Variants in EPHB6 observed in about 807,000 individuals in gnomAD.
EPHB6 encodes the protein EPH receptor B6.
A neutral mutation model predicts 107.0 loss-of-function variants in EPHB6; 51 were observed. The observed-to-expected ratio is 0.48, with a 90% CI of 0.38 to 0.60. EPHB6 has a LOEUF of 0.60. EPHB6 is among the 20% of genes least tolerant of loss of function. The pLI is 0.00. For missense variants in EPHB6, 1,141 were observed against 1,355.5 expected (o/e 0.84, Z 2.48); for synonymous variants, 553 against 549.0 (o/e 1.01, Z -0.10).
chr7:142,863,527 TG>T, intron 5 of EPHB6, 103 bp from the exon 6 acceptor site: 2 of 1,416,444 alleles, frequency 1.4e-6, no homozygotes, highest in South Asian at 1.1e-5. Context: ...GGCAAAGACA[TG>T]GGCCCGGGTG....
chr7:142,859,994 CTG>C (rs1412885256), intron 1 of EPHB6, among the ~76,000 whole-genome samples: 2 of 152,198 alleles, frequency 1.3e-5, no homozygotes, highest in Non-Finnish European at 2.9e-5. Context: ...CCACAAGTGA[CTG>C]TGTTCCTTGT....
At position 142,855,114 on chromosome 7, in the gene EPHB6, G is replaced by A. The variant is rs8177101; in HGVS notation, c.-703G>A. The A allele has an allele frequency of 0.054, 8,252 of 152,290 alleles. 250 individuals carry two copies. Among genetic ancestry groups the A allele is most frequent in the Non-Finnish European group, 0.06 (4,062 of 68,024 alleles). 9.4% of individuals were successfully genotyped at this position (152,290 alleles called of 1,614,324 possible). ...TCCAGCCGCGGCTCTACAGCAGCGG[G>A]CGGCGGGACCCGGGACCCAGCTTGG... On this transcript the variant is annotated 5_prime_UTR_variant, in exon 1 of 20. Coordinates refer to ENST00000652003, the MANE Select transcript of EPHB6 (RefSeq NM_004445.6). The surrounding 1 kb of genome is among the most constrained non-coding windows in gnomAD (Gnocchi z 4.2).
rs1190910238 is a variant in EPHB6 at position 142,870,214 on chromosome 7, G to A, written c.2611G>A (p.Val871Ile). ...RPYWDMSEQE[V>I]LNAIEQEFRL... The stretch of plus-strand genomic sequence containing the variant: ...GTCATAGTCTTCCTCTGACCCCCAG[G>A]TACTAAATGCAATAGAGCAGGAGTT... Residue 871 changes from valine (V) to isoleucine (I), a missense_variant and splice_region_variant, in exon 18 of 20, where the codon GTA (valine) becomes ATA (isoleucine). Val to Ile is a conservative substitution (Grantham distance 29). Around this residue, in one of 3 missense-constraint regions of EPHB6, gnomAD observed 616 missense variants for 759.3 expected, o/e 0.81. Coordinates refer to ENST00000652003, the MANE Select transcript of EPHB6 (RefSeq NM_004445.6). 6.2e-7 allele frequency: 1 copy of A among 1,614,020 alleles called. No homozygotes were observed. The highest frequency in any genetic ancestry group is 1.7e-4 in the Middle Eastern group (1 of 6,060).
At position 142,869,709 on chromosome 7, in the gene EPHB6, T is replaced by G; in HGVS notation, c.2461-108T>G. On this transcript the variant is annotated intron_variant, in intron 16 of 19. Transcript: ENST00000652003. The surrounding 1 kb of genome is among the most constrained non-coding windows in gnomAD (Gnocchi z 4.5). ...TTAGAGGGTTGTTATGAGGATTAAA[T>G]GAGATGCTTGATGTAAAACCCTTGG... is the stretch of plus-strand genomic sequence containing the variant. 1.0e-4 allele frequency: 128 copies of G among 1,285,352 alleles called. No homozygotes were observed. Among genetic ancestry groups the G allele is most frequent in the Non-Finnish European group, 1.3e-4 (114 of 904,676 alleles). 79.6% of individuals were successfully genotyped at this position (1,285,352 alleles called of 1,614,324 possible).
chr7:142,870,017 T>C, intron 17 of EPHB6, 51 bp downstream of exon 17: 1 of 1,613,400 alleles, frequency 6.2e-7, no homozygotes, highest in African/African-American at 1.3e-5. Flanking sequence ...CCCTCCCAGG[T>C]TGGAACATTC....
chr7:142,871,092 C>T lies in EPHB6; in HGVS notation c.*188C>T. ...CATTAAAGGGAAAGAAGGGAATTTG[C>T]AGGTTTGGTGTGGTGAGGCCTCAGT... On this transcript the variant is annotated 3_prime_UTR_variant, in exon 20 of 20. Transcript: ENST00000652003. 1 of 689,222 alleles carries T rather than the reference C, an allele frequency of 1.5e-6. No individual in the cohort carries two copies. Among genetic ancestry groups the T allele is most frequent in the South Asian group, 1.7e-5 (1 of 58,678 alleles). The allele number at this position is 689,222 out of a possible 1,614,324, so 42.7% of individuals were successfully genotyped here. A position where few individuals can be genotyped will look rare whatever the true frequency, so the allele number is the denominator to read the frequency against.
chr7:142,858,592 C>T (rs1197387696), intron 1 of EPHB6, among the ~76,000 whole-genome samples: 2 of 141,242 alleles, frequency 1.4e-5, no homozygotes, highest in African/African-American at 5.2e-5. Context: ...CACGCCACCA[C>T]GCCCAGCTAA....
rs2116399972 is a variant in EPHB6, at chr7:142,862,120, A to G, written c.-193A>G. On this transcript the variant is annotated 5_prime_UTR_variant, in exon 3 of 20. It removes an upstream start codon present in the reference 5' UTR. Coordinates refer to ENST00000652003, the MANE Select transcript of EPHB6 (RefSeq NM_004445.6). Reference sequence around the variant, plus strand: ...GCCCTCTTCTTTGTTGTGTCCTCGAATGGCAGAAAAAGGGTGAGAAAGCCC... The same window carrying G: ...GCCCTCTTCTTTGTTGTGTCCTCGAGTGGCAGAAAAAGGGTGAGAAAGCCC... 6.6e-6 allele frequency: 1 copy of G among 152,256 alleles called. No homozygotes were observed. The highest frequency in any genetic ancestry group is 1.9e-4 in the East Asian group (1 of 5,174). The allele number at this position is 152,256 out of a possible 1,614,324, so 9.4% of individuals were successfully genotyped here.
chr7:142,864,793 A>AC, intron 7 of EPHB6, 44 bp downstream of exon 7: 1 of 1,598,440 alleles, frequency 6.3e-7, no homozygotes, highest in Non-Finnish European at 8.5e-7. Context: ...CCTCCCACCC[A>AC]CCCCCAGCCT....
Position 142,855,953 on chromosome 7 carries a change from C to G in EPHB6, c.-432+568C>G, listed in dbSNP as rs1309389083. On this transcript the variant is annotated intron_variant, in intron 1 of 19. Transcript: ENST00000652003. The surrounding 1 kb of genome is among the most constrained non-coding windows in gnomAD (Gnocchi z 4.2). ...CAAATTCTATTGCGTGCTCCTGCCC[C>G]AGCTCCACCCTCGCTCTGCTCCCTC... Among the ~76,000 whole-genome samples the G allele has an allele frequency of 2.6e-5, 4 of 152,194 alleles. No individual in the cohort carries two copies. Among genetic ancestry groups the G allele is most frequent in the Non-Finnish European group, 5.9e-5 (4 of 68,042 alleles).
At chr7:142,863,464 C>A in intron 5 of EPHB6, 137 bp downstream of exon 5, 1 of 1,165,192 alleles carries the variant, frequency 8.6e-7, no homozygotes, top group Non-Finnish European at 1.3e-6. Context: ...ATAATGAAGA[C>A]CCACATCAGA....
In EPHB6 at chr7:142,858,056, C is replaced by CT. The variant is rs1448028458; in HGVS notation, c.-432+2677dup. On this transcript the variant is annotated intron_variant, in intron 1 of 19. Transcript: ENST00000652003. ...TTGTCTAGGTTTTACAAATATTTTT[C>CT]TTTTTTGTTTAGATTTTAATTATGA... Among the ~76,000 whole-genome samples the CT allele has an allele frequency of 2.0e-5, 3 of 152,064 alleles. No individual in the cohort carries two copies. In the East Asian group the frequency reaches 5.8e-4, roughly 29 times the overall value.
chr7:142,869,695 T>C lies in EPHB6; in HGVS notation c.2461-122T>C. On this transcript the variant is annotated intron_variant, in intron 16 of 19. Transcript: ENST00000652003. The surrounding 1 kb of genome is among the most constrained non-coding windows in gnomAD (Gnocchi z 4.5). ...TGATATCATCCACCTTAGAGGGTTG[T>C]TATGAGGATTAAATGAGATGCTTGA... 2 of 1,155,874 alleles carry C rather than the reference T, an allele frequency of 1.7e-6. No individual in the cohort carries two copies. The highest frequency in any genetic ancestry group is 2.6e-5 in the South Asian group (2 of 75,776). The allele number at this position is 1,155,874 out of a possible 1,614,324, so 71.6% of individuals were successfully genotyped here. A position where few individuals can be genotyped will look rare whatever the true frequency, so the allele number is the denominator to read the frequency against.
chr7:142,864,201 A>G lies in EPHB6; in HGVS notation c.401A>G (p.Gln134Arg). 1 of 1,613,888 alleles carries G rather than the reference A, an allele frequency of 6.2e-7. No individual in the cohort carries two copies. Among genetic ancestry groups the G allele is most frequent in the Non-Finnish European group, 8.5e-7 (1 of 1,180,034 alleles). The change falls in exon 7 of 20, where the codon CAG (glutamine) becomes CGG (arginine). Residue 134 changes from glutamine (Q) to arginine (R), a missense_variant. Coordinates refer to ENST00000652003, the MANE Select transcript of EPHB6 (RefSeq NM_004445.6). ...CRETFTLYYR[Q>R]AEEPDSPDSV... is the part of the protein sequence containing the mutation. ...GAGACCTTCACCCTTTACTACCGTCAGGCTGAGGAGCCCGACAGCCCTGAC... is the reference window on the plus strand; with the variant it reads ...GAGACCTTCACCCTTTACTACCGTCGGGCTGAGGAGCCCGACAGCCCTGAC...
chr7:142,856,154 G>A (rs1802602338), intron 1 of EPHB6, among the ~76,000 whole-genome samples: 2 of 152,186 alleles, frequency 1.3e-5, no homozygotes, highest in African/African-American at 4.8e-5. Context: ...GTTAACCCAG[G>A]CCCTCCGCCC....
chr7:142,862,941 T>C (rs1287177406), intron 4 of EPHB6, 108 bp downstream of exon 4: 11 of 491,628 alleles, frequency 2.2e-5, no homozygotes, highest in Non-Finnish European at 4.0e-5. Context: ...CACTCCAAGA[T>C]GGTCAAATGT....
chr7:142,866,208 C>T lies in EPHB6; in HGVS notation c.1354C>T (p.Arg452Trp), dbSNP rs1232378425. Residue 452 changes from arginine to tryptophan, a missense_variant, in exon 9 of 20, where the codon CGG becomes TGG. Coordinates refer to ENST00000652003, the MANE Select transcript of EPHB6 (RefSeq NM_004445.6). The surrounding 1 kb of genome is among the most constrained non-coding windows in gnomAD (Gnocchi z 5.2). The stretch of plus-strand genomic sequence containing the variant: ...GAGCCGAGTGTTAGTGGGGGGACTC[C>T]GGGCACACGTACCCTACATCTTAGA... ...TESRVLVGGLRAHVPYILEVQ... is the reference protein window; with the variant it reads ...TESRVLVGGLWAHVPYILEVQ... 23 of 1,613,980 alleles carry T rather than the reference C, an allele frequency of 1.4e-5. No homozygotes were observed. The highest frequency in any genetic ancestry group is 1.9e-5 in the Non-Finnish European group (22 of 1,180,022).
intron 7 of EPHB6, among the ~76,000 whole-genome samples, chr7:142,865,077 G>A (rs978766779): frequency 7.2e-5 from 11 of 152,132 alleles, no homozygotes; most frequent in Non-Finnish European, 1.3e-4. Context: ...GTTCCCATTC[G>A]CCCTTCTGTT....
rs1423224181 is a variant in EPHB6 at position 142,869,746 on chromosome 7, A to G, written c.2461-71A>G. 2.6e-6 allele frequency: 4 copies of G among 1,558,346 alleles called. No individual in the cohort carries two copies. The highest frequency in any genetic ancestry group is 3.5e-6 in the Non-Finnish European group (4 of 1,136,990). ...TGTAAAACCCTTGGCATATCTGAGC[A>G]CATAGTAGTTGCTCAATAAACGTGA... On this transcript the variant is annotated intron_variant, in intron 16 of 19. Coordinates refer to ENST00000652003, the MANE Select transcript of EPHB6 (RefSeq NM_004445.6). This position sits in a 1 kb window ranked among gnomAD's most constrained non-coding sequence, Gnocchi z 4.5.
Sources: gnomAD v4.1 joint callset for allele counts (sites outside exome capture counted in the v4.1 genomes callset) on GRCh38, gnomAD v4.1.1 for gene constraint, gnomAD v4.1.1 regional missense constraint, Gnocchi (gnomAD v3.1) non-coding constraint, MANE v1.5 for transcripts, NCBI Gene and HGNC (gene_info 2026-07-23, HGNC 2026-07-21) for gene names.